The following PRKCZ variants were observed in gnomAD, a reference collection of about 807,000 sequenced individuals.
PRKCZ encodes the protein protein kinase C zeta.
Under a neutral mutation model 79.5 loss-of-function variants are expected in PRKCZ, and 33 were observed. The observed-to-expected ratio is 0.41, with a 90% CI of 0.31 to 0.55. The LOEUF is 0.55. Among genes scored for constraint, PRKCZ ranks in the 20% least tolerant of loss-of-function variants. The probability of loss-of-function intolerance (pLI) is 0.19; values close to 1 mark genes in which losing one functional copy is unlikely to be tolerated. For synonymous variants in PRKCZ, 342 were observed against 320.9 expected, an observed-to-expected ratio of 1.07 and a Z score of -0.70; for missense variants, 578 against 813.5, an observed-to-expected ratio of 0.71 and a Z score of 3.52.
intron 5 of PRKCZ, chr1:2,142,609 G>C (rs1190090303): frequency 4.5e-6 from 1 of 223,412 alleles, no homozygotes; most frequent in South Asian, 4.7e-5. Flanking sequence ...TAGAGCCCAC[G>C]GTCCTGGTGT....
At chr1:2,068,383 C>A (rs1571145130) in intron 4 of PRKCZ, among the ~76,000 whole-genome samples, 1 of 152,380 alleles carries the variant, frequency 6.6e-6, no homozygotes, top group East Asian at 1.9e-4. Context: ...GAGCATCCTG[C>A]TTCCTGGCCA....
chr1:2,073,238 C>G (rs1349924478), intron 4 of PRKCZ, among the ~76,000 whole-genome samples: 2 of 152,230 alleles, frequency 1.3e-5, no homozygotes, highest in Admixed American at 1.3e-4. Context: ...CTTTCCTGTT[C>G]CTGCCCCCCA....
At chr1:2,099,824 G>T (rs774069911) in intron 4 of PRKCZ, among the ~76,000 whole-genome samples, 1 of 152,208 alleles carries the variant, frequency 6.6e-6, no homozygotes, top group Non-Finnish European at 1.5e-5. Flanking sequence ...TCATTAGTCC[G>T]TGTCGTGCTA....
intron 4 of PRKCZ, among the ~76,000 whole-genome samples, chr1:2,107,350 G>C (rs868472226): frequency 6.6e-6 from 1 of 152,156 alleles, no homozygotes; most frequent in Non-Finnish European, 1.5e-5. Context: ...CTTTTTTCCC[G>C]CACGTCACGT....
intron 4 of PRKCZ, among the ~76,000 whole-genome samples, chr1:2,110,554 G>A (rs1233724114): frequency 6.6e-6 from 1 of 152,202 alleles, no homozygotes; most frequent in Non-Finnish European, 1.5e-5. Context: ...GAGGGAAACA[G>A]AGACTCCTCT....
At chr1:2,133,582 T>C (rs1277348251) in intron 4 of PRKCZ, 1 of 118,274 alleles carries the variant, frequency 8.5e-6, no homozygotes, top group Non-Finnish European at 1.7e-5. Context: ...TGTGCGTCCA[T>C]TTTTGACTCC....
At chr1:2,160,868 G>A (rs2103353920) in intron 10 of PRKCZ, among the ~76,000 whole-genome samples, 1 of 152,210 alleles carries the variant, frequency 6.6e-6, no homozygotes, top group African/African-American at 2.4e-5. Context: ...GGGGGTGATT[G>A]TGGTTGTGGG....
At chr1:2,119,121 T>C (rs115097292) in intron 4 of PRKCZ, among the ~76,000 whole-genome samples, 1,846 of 152,256 alleles carry the variant, frequency 0.012, 45 homozygotes, top group African/African-American at 0.042. Flanking sequence ...AATGGCTACC[T>C]TAGAAATTAT....
chr1:2,146,427 T>G (rs1412875883), intron 7 of PRKCZ, among the ~76,000 whole-genome samples: 2 of 152,206 alleles, frequency 1.3e-5, no homozygotes, highest in African/African-American at 2.4e-5. Context: ...AGGCACTTAG[T>G]GCAGCAGCCA....
At position 2,073,718 on chromosome 1, in the gene PRKCZ, TGAG is replaced by T. The variant is rs1661855752; in HGVS notation, c.334+14132_334+14134del. On this transcript the variant is annotated intron_variant, in intron 4 of 17. Transcript: ENST00000378567. ...CGGGTACCACCCGGGCCTGGAGACA[TGAG>T]GAGGCAGGGATGTGAGGGGCGGGGG... is the stretch of plus-strand genomic sequence containing the variant. The T allele has an allele frequency of 4.0e-6, 4 of 999,040 alleles. No homozygotes were observed. The South Asian group carries it at 1.8e-4, about 44-fold the overall frequency. 61.9% of individuals were successfully genotyped at this position (999,040 alleles called of 1,614,324 possible).
At position 2,127,179 on chromosome 1, in the gene PRKCZ, G is replaced by A. The variant is rs976164499; in HGVS notation, c.335-8083G>A. Among the ~76,000 whole-genome samples the A allele has an allele frequency of 2.6e-5, 4 of 152,206 alleles. No homozygotes were observed. The highest frequency in any genetic ancestry group is 9.7e-5 in the African/African-American group (4 of 41,450). On this transcript the variant is annotated intron_variant, in intron 4 of 17. Coordinates refer to ENST00000378567, the MANE Select transcript of PRKCZ (RefSeq NM_002744.6). The surrounding 1 kb of genome is among the most constrained non-coding windows in gnomAD (Gnocchi z 5.1). ...GTCCCCAAAACAGACCCTGCGCCCC[G>A]GGCAACCATCTGCTTCCCGCCACAG...
Position 2,172,425 on chromosome 1 carries a change from A to AGGGCCAGAGATGGCTTC in PRKCZ, c.1285+43_1285+59dup. On this transcript the variant is annotated intron_variant, in intron 13 of 17. Coordinates refer to ENST00000378567, the MANE Select transcript of PRKCZ (RefSeq NM_002744.6). The surrounding 1 kb of genome is among the most constrained non-coding windows in gnomAD (Gnocchi z 7.8). The stretch of plus-strand genomic sequence containing the variant: ...TGCCCTGGCCCCTCTCGGAGCACAC[A>AGGGCCAGAGATGGCTTC]GGGCCAGAGATGGCTTCGGGCCTGG... 6.3e-7 allele frequency: 1 copy of AGGGCCAGAGATGGCTTC among 1,587,030 alleles called. No homozygotes were observed. The highest frequency in any genetic ancestry group is 8.6e-7 in the Non-Finnish European group (1 of 1,164,786).
intron 4 of PRKCZ, among the ~76,000 whole-genome samples, chr1:2,126,044 A>G (rs1169420747): frequency 6.6e-6 from 1 of 151,784 alleles, no homozygotes; most frequent in East Asian, 1.9e-4. Flanking sequence ...CGATCGCTCT[A>G]TCCAAGGCTG....
chr1:2,065,914 CAT>C (rs1661087794), intron 4 of PRKCZ, among the ~76,000 whole-genome samples: 1 of 152,066 alleles, frequency 6.6e-6, no homozygotes, highest in African/African-American at 2.4e-5. Flanking sequence ...TTGAGACGAT[CAT>C]GTGTTTTTTT....
Position 2,144,284 on chromosome 1 carries a change from A to G in PRKCZ, c.495A>G (p.Lys165=). The G allele has an allele frequency of 1.9e-6, 3 of 1,566,476 alleles. No individual in the cohort carries two copies. The highest frequency in any genetic ancestry group is 2.3e-5 in the South Asian group (2 of 85,114). The change falls in exon 6 of 18, where the codon AAA becomes AAG. Residue 165 remains lysine (K), a synonymous_variant. Coordinates refer to ENST00000378567, the MANE Select transcript of PRKCZ (RefSeq NM_002744.6). The part of the protein sequence containing the change: ...ARQGYRCINC[K]LLVHKRCHGL... Reference sequence around the variant, plus strand: ...AAGGCTACAGGTGCATCAACTGCAAACTGCTGGTCCATAAGCGCTGCCACG... The same window carrying G: ...AAGGCTACAGGTGCATCAACTGCAAGCTGCTGGTCCATAAGCGCTGCCACG...
intron 4 of PRKCZ, among the ~76,000 whole-genome samples, chr1:2,121,494 G>C (rs370377906): frequency 1.3e-5 from 2 of 151,652 alleles, no homozygotes; most frequent in East Asian, 3.9e-4. Context: ...GGTCACGGTG[G>C]TAGTTAGGAT....
chr1:2,150,889 T>A lies in PRKCZ; in HGVS notation c.787T>A (p.Tyr263Asn). The change falls in exon 9 of 18, where the codon TAC becomes AAC. Residue 263 changes from tyrosine to asparagine, a missense_variant. Physicochemically the swap from Tyr to Asn is moderately radical, Grantham distance 143. Around this residue, in one of 4 missense-constraint regions of PRKCZ, gnomAD observed 243 missense variants for 467.0 expected, o/e 0.52. Transcript: ENST00000378567. ...AATCAGAGTCATCGGGCGCGGGAGC[T>A]ACGCCAAGGTTCTCCTGGTGCGGTT... ...DLIRVIGRGS[Y>N]AKVLLVRLKK... 1 of 1,614,196 alleles carries A rather than the reference T, an allele frequency of 6.2e-7. No homozygotes were observed. The highest frequency in any genetic ancestry group is 1.3e-5 in the African/African-American group (1 of 75,076).
chr1:2,089,956 G>A (rs1228007530), intron 4 of PRKCZ, among the ~76,000 whole-genome samples: 1 of 152,144 alleles, frequency 6.6e-6, no homozygotes, highest in Non-Finnish European at 1.5e-5. Context: ...TGAGAGCTGG[G>A]TTTCGGCAGG....
chr1:2,146,986 C>T (rs1200236884), intron 7 of PRKCZ, among the ~76,000 whole-genome samples: 1 of 152,144 alleles, frequency 6.6e-6, no homozygotes, highest in African/African-American at 2.4e-5. Context: ...CATCTATCCA[C>T]GATCCATCCA....
Sources: gnomAD v4.1 joint callset for allele counts (sites outside exome capture counted in the v4.1 genomes callset) on GRCh38, gnomAD v4.1.1 for gene constraint, gnomAD v4.1.1 regional missense constraint, Gnocchi (gnomAD v3.1) non-coding constraint, MANE v1.5 for transcripts, NCBI Gene and HGNC (gene_info 2026-07-23, HGNC 2026-07-21) for gene names.